The following ALOX15 variants were observed in gnomAD, a reference collection of about 807,000 sequenced individuals.
The protein encoded by ALOX15 is polyunsaturated fatty acid lipoxygenase ALOX15.
In ALOX15, 68 loss-of-function variants were observed where a neutral mutation model predicts 71.7. The ratio of observed to expected loss-of-function variants is 0.95; its 90% CI spans 0.78 to 1.16. ALOX15 has a LOEUF of 1.16. Among genes scored for constraint, ALOX15 ranks in the 50% most tolerant of loss-of-function variants. The probability of loss-of-function intolerance (pLI) is 0.00; values close to 1 mark genes in which losing one functional copy is unlikely to be tolerated. For missense variants in ALOX15, 798 were observed against 818.8 expected (o/e 0.97, Z 0.31); for synonymous variants, 346 against 333.3 (o/e 1.04, Z -0.42).
chr17:4,633,691 C>T (rs1448065787), intron 8 of ALOX15, among the ~76,000 whole-genome samples, 191 bp from the exon 9 acceptor site: 1 of 152,186 alleles, frequency 6.6e-6, no homozygotes, highest in East Asian at 1.9e-4. Context: ...ATATATACCT[C>T]CCAAAATATA....
chr17:4,638,653 T>G lies in ALOX15; in HGVS notation c.574A>C (p.Asn192His). 6.2e-7 allele frequency: 1 copy of G among 1,614,106 alleles called. No individual in the cohort carries two copies. ...LADLAIKDSL[N>H]VLTCWKDLDD... Reference sequence around the variant, plus strand: ...AGATCCTTCCAGCAAGTCAGAACATTTAGAGAGTCTTTGATAGCGAGGTCG... The same window carrying G: ...AGATCCTTCCAGCAAGTCAGAACATGTAGAGAGTCTTTGATAGCGAGGTCG... The change falls in exon 5 of 14, where the codon AAT becomes CAT. Residue 192 changes from asparagine (N) to histidine (H), a missense_variant. Asn to His is a moderately conservative substitution (Grantham distance 68). This residue lies in a region of ALOX15 where 300 missense variants were observed against 283.1 expected (regional missense o/e 1.06). Transcript: ENST00000293761.
At chr17:4,637,066 G>A in intron 7 of ALOX15, 49 bp downstream of exon 7, 3 of 1,575,404 alleles carry the variant, frequency 1.9e-6, no homozygotes, top group Non-Finnish European at 2.6e-6. Flanking sequence ...AAGGGGCTGA[G>A]CTTTCTCAAA....
chr17:4,638,705 A>T, intron 4 of ALOX15, 21 bp from the exon 5 acceptor site: 1 of 1,613,684 alleles, frequency 6.2e-7, no homozygotes, highest in Non-Finnish European at 8.5e-7. Context: ...GGATGGGGCA[A>T]AGGGTTTGAG....
In ALOX15 at chr17:4,638,711, T is replaced by C. The variant is rs1449630627; in HGVS notation, c.543-27A>G. ...TTCAGGGCAGGATGGGGCAAAGGGT[T>C]TGAGCATCATTCTGAGGCTCTAACA... On this transcript the variant is annotated intron_variant, in intron 4 of 13. Transcript: ENST00000293761. 3 of 1,613,592 alleles carry C rather than the reference T, an allele frequency of 1.9e-6. No homozygotes were observed. In the South Asian group the frequency reaches 3.3e-5, roughly 18 times the overall value.
At position 4,632,034 on chromosome 17, in the gene ALOX15, G is replaced by A. The variant is rs761093526; in HGVS notation, c.1664C>T (p.Pro555Leu). The change falls in exon 13 of 14, where the codon CCT becomes CTT. Residue 555 changes from proline to leucine, a missense_variant. Coordinates refer to ENST00000293761, the MANE Select transcript of ALOX15 (RefSeq NM_001140.5). Reference protein sequence around the residue: ...LGQLDWYSWVPNAPCTMRLPP... With the variant: ...LGQLDWYSWVLNAPCTMRLPP... ...CAGCCGCATCGTGCAGGGTGCATTA[G>A]GCACCCAAGAGTACCAGTCCAGCTA... 6.2e-7 allele frequency: 1 copy of A among 1,612,686 alleles called. No homozygotes were observed. Among genetic ancestry groups the A allele is most frequent in the Non-Finnish European group, 8.5e-7 (1 of 1,179,296 alleles).
Position 4,631,615 on chromosome 17 carries a change from G to A in ALOX15, c.1974C>T (p.Asn658=), listed in dbSNP as rs776815094. Residue 658 remains asparagine, a synonymous_variant, in exon 14 of 14, where the codon AAC becomes AAT. Transcript: ENST00000293761. Reference sequence around the variant, plus strand: ...GTGGCGACGCTTAGATGGCCACACTGTTTTCCACCACGCTGGGCCGCAGGT... The same window carrying A: ...GTGGCGACGCTTAGATGGCCACACTATTTTCCACCACGCTGGGCCGCAGGT... ...YEYLRPSVVE[N]SVAI 1 of 1,613,278 alleles carries A rather than the reference G, an allele frequency of 6.2e-7. No homozygotes were observed. Among genetic ancestry groups the A allele is most frequent in the Non-Finnish European group, 8.5e-7 (1 of 1,179,994 alleles).
rs11568099 is a variant in ALOX15, at chr17:4,639,458, G to A, written c.309C>T (p.Asn103=). ...TGCCTTCAGGCAGGCTCAGGACGCC[G>A]TTGCCCTCCACCCAGCGGTAACAAG... The part of the protein sequence containing the change: ...RFPCYRWVEG[N]GVLSLPEGTG... Residue 103 remains asparagine (N), a synonymous_variant, in exon 2 of 14, where the codon AAC becomes AAT. Coordinates refer to ENST00000293761, the MANE Select transcript of ALOX15 (RefSeq NM_001140.5). 5.4e-5 allele frequency: 87 copies of A among 1,613,520 alleles called. No individual in the cohort carries two copies. In the African/African-American group the frequency reaches 7.6e-4, roughly 14 times the overall value.
intron 8 of ALOX15, among the ~76,000 whole-genome samples, chr17:4,634,548 T>G (rs1911025022): frequency 6.6e-6 from 1 of 152,008 alleles, no homozygotes; most frequent in South Asian, 2.1e-4. Context: ...CTAAGTACCC[T>G]TTTGAGATGT....
chr17:4,639,223 T>A lies in ALOX15; in HGVS notation c.338-91A>T, dbSNP rs79622758. 1.4e-3 allele frequency: 2,167 copies of A among 1,516,432 alleles called. 25 individuals carry two copies. The East Asian group carries it at 0.027, about 19-fold the overall frequency. 93.9% of individuals were successfully genotyped at this position (1,516,432 alleles called of 1,614,324 possible). ...AGAGCCTCAGCACCCCGTCCTTCTGTGTGGCCTCTGCCCCTTCAGCATCAC... is the reference window on the plus strand; with the variant it reads ...AGAGCCTCAGCACCCCGTCCTTCTGAGTGGCCTCTGCCCCTTCAGCATCAC... On this transcript the variant is annotated intron_variant, in intron 2 of 13. Transcript: ENST00000293761.
At chr17:4,634,851 C>T (rs1357492763) in intron 8 of ALOX15, among the ~76,000 whole-genome samples, 3 of 151,740 alleles carry the variant, frequency 2.0e-5, no homozygotes, top group Non-Finnish European at 4.4e-5. Context: ...TGGTGGCAGG[C>T]ACCTGAATCC....
intron 12 of ALOX15, 44 bp downstream of exon 12, chr17:4,632,136 TC>T: frequency 6.2e-7 from 1 of 1,613,554 alleles, no homozygotes; most frequent in Non-Finnish European, 8.5e-7. Context: ...GACCCCTCCC[TC>T]ACTCCAGGCC....
chr17:4,639,133 C>T lies in ALOX15; in HGVS notation c.338-1G>A, dbSNP rs771659953. On this transcript the variant is annotated splice_acceptor_variant, in intron 2 of 13. Coordinates refer to ENST00000293761, the MANE Select transcript of ALOX15 (RefSeq NM_001140.5). LOFTEE classifies it high-confidence loss of function. ...TGAGGGTCCTCGCCCACAGTGCGGC[C>T]TAGAAGGACAGAGGAGGACTTGGCC... The T allele has an allele frequency of 1.2e-6, 2 of 1,614,124 alleles. No individual in the cohort carries two copies. Among genetic ancestry groups the T allele is most frequent in the South Asian group, 1.1e-5 (1 of 91,080 alleles).
At position 4,633,432 on chromosome 17, in the gene ALOX15, G is replaced by A. The variant is rs777343478; in HGVS notation, c.1230C>T (p.Asp410=). 1.9e-6 allele frequency: 3 copies of A among 1,614,142 alleles called. No homozygotes were observed. Among genetic ancestry groups the A allele is most frequent in the Admixed American group, 3.3e-5 (2 of 60,016 alleles). ...NVRARTGLVS[D]MGIFDQIMST... is the part of the protein sequence containing the mutation. ...CCCATACCTGGTCGAAAATTCCCAT[G>A]TCAGAGACCAGCCCAGTCCTGGCCC... is the stretch of plus-strand genomic sequence containing the variant. The change falls in exon 9 of 14, where the codon GAC becomes GAT. Residue 410 remains aspartate (D), a synonymous_variant. Coordinates refer to ENST00000293761, the MANE Select transcript of ALOX15 (RefSeq NM_001140.5).
rs1911215624 is a variant in ALOX15 at position 4,638,925 on chromosome 17, T to G, written c.467A>C (p.Lys156Thr). ...DGLILNMAGA[K>T]LYDLPVDERF... Reference sequence around the variant, plus strand: ...CTCATCCACAGGGAGGTCATATAGTTTGGCCCCAGCCATATTCAGAATTAA... The same window carrying G: ...CTCATCCACAGGGAGGTCATATAGTGTGGCCCCAGCCATATTCAGAATTAA... Residue 156 changes from lysine to threonine, a missense_variant, in exon 4 of 14, where the codon AAA (lysine) becomes ACA (threonine). Lys to Thr is a moderately conservative substitution (Grantham distance 78). This residue lies in a region of ALOX15 where 300 missense variants were observed against 283.1 expected (regional missense o/e 1.06). Coordinates refer to ENST00000293761, the MANE Select transcript of ALOX15 (RefSeq NM_001140.5). 6.2e-7 allele frequency: 1 copy of G among 1,614,228 alleles called. No homozygotes were observed. Among genetic ancestry groups the G allele is most frequent in the Middle Eastern group, 1.6e-4 (1 of 6,062 alleles).
intron 11 of ALOX15, among the ~76,000 whole-genome samples, chr17:4,632,644 T>C (rs1910953355): frequency 6.6e-6 from 1 of 152,218 alleles, no homozygotes; most frequent in Non-Finnish European, 1.5e-5. Context: ...TAAACATTTA[T>C]GAGCAGCCAC....
rs1241635128 is a variant in ALOX15, at chr17:4,633,418, T to A, written c.1244A>T (p.Asp415Val). 2.5e-6 allele frequency: 4 copies of A among 1,613,908 alleles called. No homozygotes were observed. Among genetic ancestry groups the A allele is most frequent in the Non-Finnish European group, 3.4e-6 (4 of 1,179,964 alleles). Residue 415 changes from aspartate to valine, a missense_variant, in exon 9 of 14, where the codon GAC becomes GTC. Physicochemically the swap from Asp to Val is radical, Grantham distance 152. Transcript: ENST00000293761. Reference protein sequence around the residue: ...TGLVSDMGIFDQIMSTGGGGH... With the variant: ...TGLVSDMGIFVQIMSTGGGGH... Reference sequence around the variant, plus strand: ...TCTCCCTTTCTCTTCCCATACCTGGTCGAAAATTCCCATGTCAGAGACCAG... The same window carrying A: ...TCTCCCTTTCTCTTCCCATACCTGGACGAAAATTCCCATGTCAGAGACCAG...
In ALOX15 at chr17:4,633,112, C is replaced by A. The variant is rs200109235; in HGVS notation, c.1418+34G>T. 6.9e-4 allele frequency: 1,107 copies of A among 1,609,300 alleles called. 5 individuals are homozygous for A. The highest frequency in any genetic ancestry group is 4.4e-3 in the Middle Eastern group (26 of 5,870). ...CTCCTACATGTCTTCTCCACCCCCA[C>A]TTGCACCCCCACTGGCCTTCCCGCT... is the stretch of plus-strand genomic sequence containing the variant. On this transcript the variant is annotated intron_variant, in intron 10 of 13. Coordinates refer to ENST00000293761, the MANE Select transcript of ALOX15 (RefSeq NM_001140.5).
rs752380243 is a variant in ALOX15, at chr17:4,636,018, A to G, written c.952-50T>C. On this transcript the variant is annotated intron_variant, in intron 7 of 13. Transcript: ENST00000293761. ...GAGAAGGCATGAGTGCCAGGCACTC[A>G]GCGATTCCCGCCCCCCTTGCATGTT... 1.4e-5 allele frequency: 22 copies of G among 1,575,838 alleles called. No individual in the cohort carries two copies. In the South Asian group the frequency reaches 2.3e-4, roughly 17 times the overall value.
At chr17:4,634,075 G>C (rs1389173667) in intron 8 of ALOX15, among the ~76,000 whole-genome samples, 3 of 152,134 alleles carry the variant, frequency 2.0e-5, no homozygotes, top group Non-Finnish European at 4.4e-5. Flanking sequence ...AACTACCTAT[G>C]GGGTACCATG....
Sources: gnomAD v4.1 joint callset for allele counts (sites outside exome capture counted in the v4.1 genomes callset) on GRCh38, gnomAD v4.1.1 for gene constraint, gnomAD v4.1.1 regional missense constraint, MANE v1.5 for transcripts, NCBI Gene and HGNC (gene_info 2026-07-23, HGNC 2026-07-21) for gene names.